Variants in BNIP3 observed in about 807,000 individuals in gnomAD.
BNIP3 encodes BCL2/adenovirus E1B 19 kDa protein-interacting protein 3.
A neutral mutation model predicts 23.9 loss-of-function variants in BNIP3; 16 were observed. The observed-to-expected ratio is 0.67, with a 90% CI of 0.45 to 1.01. The LOEUF (loss-of-function observed/expected upper bound fraction) is 1.01. BNIP3 is among the 50% of genes least tolerant of loss of function. The pLI is 0.00. For missense variants in BNIP3, 198 were observed against 248.7 expected (o/e 0.80, Z 1.37); for synonymous variants, 81 against 89.3 (o/e 0.91, Z 0.53).
In BNIP3 at chr10:131,973,797, C is replaced by T; in HGVS notation, c.193G>A (p.Asp65Asn). 6.2e-7 allele frequency: 1 copy of T among 1,612,298 alleles called. No homozygotes were observed. The highest frequency in any genetic ancestry group is 8.5e-7 in the Non-Finnish European group (1 of 1,180,000). The change falls in exon 2 of 6, where the codon GAC becomes AAC. Residue 65 changes from aspartate (D) to asparagine (N), a missense_variant. Transcript: ENST00000368636. ...GRSSSKSSHC[D>N]SPPRSQTPQD... ...CACTTGTTGATGCGCGCCTACCTGTCACAGTGAGAGCTCTTGGAGCTACTC... is the reference window on the plus strand; with the variant it reads ...CACTTGTTGATGCGCGCCTACCTGTTACAGTGAGAGCTCTTGGAGCTACTC...
chr10:131,974,202 T>G (rs547059345), intron 1 of BNIP3, among the ~76,000 whole-genome samples: 2 of 152,368 alleles, frequency 1.3e-5, no homozygotes, highest in African/African-American at 4.8e-5. Context: ...GCAGTCCCTT[T>G]ATACCAAGCC....
At position 131,970,958 on chromosome 10, in the gene BNIP3, C is replaced by T. The variant is rs761226207; in HGVS notation, c.295G>A (p.Asp99Asn). The T allele has an allele frequency of 6.2e-7, 1 of 1,613,880 alleles. No individual in the cohort carries two copies. Among genetic ancestry groups the T allele is most frequent in the Non-Finnish European group, 8.5e-7 (1 of 1,179,950 alleles). Residue 99 changes from aspartate (D) to asparagine (N), a missense_variant, in exon 4 of 6, where the codon GAT becomes AAT. Coordinates refer to ENST00000368636, the MANE Select transcript of BNIP3 (RefSeq NM_004052.4). The surrounding 1 kb of genome is among the most constrained non-coding windows in gnomAD (Gnocchi z 4.1). ...TCAACTTCTTTCCTTCTTTCAATAT[C>T]ATCTTCCTCAGACTAAGATAAAGTC... ...EKNSSQSEED[D>N]IERRKEVESI...
rs1447294182 is a variant in BNIP3 at position 131,977,786 on chromosome 10, GAAAA to G, written c.47-3847_47-3844del. Among the ~76,000 whole-genome samples the G allele has an allele frequency of 4.0e-5, 6 of 151,854 alleles. 1 individual carries two copies. The East Asian group carries it at 1.2e-3, about 29-fold the overall frequency. On this transcript the variant is annotated intron_variant, in intron 1 of 5. Transcript: ENST00000368636. ...AGGACCTAAAAATCCAGGAAACAAG[GAAAA>G]AAAACTCACTCCAGATTGTCCATGG...
chr10:131,975,335 C>T (rs2037071694), intron 1 of BNIP3, among the ~76,000 whole-genome samples: 1 of 152,176 alleles, frequency 6.6e-6, no homozygotes, highest in Non-Finnish European at 1.5e-5. Flanking sequence ...TTATTTAAAG[C>T]AAATCTGGTA....
chr10:131,972,805 T>G (rs759589821), intron 3 of BNIP3, among the ~76,000 whole-genome samples: 7 of 152,214 alleles, frequency 4.6e-5, no homozygotes, highest in Admixed American at 1.3e-4. Context: ...CCCCGCTGCC[T>G]GTCCCACTCG....
intron 1 of BNIP3, among the ~76,000 whole-genome samples, chr10:131,975,478 A>G (rs2037072777): frequency 6.6e-6 from 1 of 152,222 alleles, no homozygotes; most frequent in Non-Finnish European, 1.5e-5. Context: ...TTTAGTAAGC[A>G]GAATAATCAC....
intron 2 of BNIP3, chr10:131,973,345 G>A: frequency 3.8e-6 from 2 of 528,052 alleles, no homozygotes; most frequent in Non-Finnish European, 6.8e-6. Context: ...AAGACGCAGG[G>A]GCAACTGGCA....
intron 1 of BNIP3, among the ~76,000 whole-genome samples, chr10:131,977,337 G>T (rs578079846): frequency 1.3e-5 from 2 of 152,322 alleles, no homozygotes; most frequent in East Asian, 3.9e-4. Flanking sequence ...CAGGAAGTAG[G>T]TAGGGTCAAG....
rs6557 is a variant in BNIP3 at position 131,967,945 on chromosome 10, C to T, written c.*579G>A. 44,041 of 152,062 alleles carry T rather than the reference C, an allele frequency of 0.29. 6,538 individuals carry two copies. Among genetic ancestry groups the T allele is most frequent in the East Asian group, 0.45 (2,308 of 5,166 alleles). The allele number at this position is 152,062 out of a possible 1,614,324, so 9.4% of individuals were successfully genotyped here. On this transcript the variant is annotated 3_prime_UTR_variant, in exon 6 of 6. Coordinates refer to ENST00000368636, the MANE Select transcript of BNIP3 (RefSeq NM_004052.4). Reference sequence around the variant, plus strand: ...GCAAAAGCAAGAAGAGTTTAGTGTACGAACTGTACAGCTGAGTTTGTAGCT... The same window carrying T: ...GCAAAAGCAAGAAGAGTTTAGTGTATGAACTGTACAGCTGAGTTTGTAGCT...
At chr10:131,972,899 T>C (rs889261367) in intron 3 of BNIP3, 135 bp downstream of exon 3, 11 of 823,320 alleles carry the variant, frequency 1.3e-5, no homozygotes, top group Non-Finnish European at 2.0e-5. Flanking sequence ...TTGTTTCGCT[T>C]TTTTGTTTTT....
intron 3 of BNIP3, 85 bp downstream of exon 3, chr10:131,972,949 G>C (rs2037048338): frequency 7.4e-7 from 1 of 1,348,728 alleles, no homozygotes; most frequent in Non-Finnish European, 1.0e-6. Flanking sequence ...ACTTTTCTCT[G>C]AGGTGCTCAA....
intron 1 of BNIP3, among the ~76,000 whole-genome samples, chr10:131,979,696 C>G (rs3793741): frequency 2.2e-3 from 342 of 152,160 alleles, no homozygotes; most frequent in African/African-American, 7.5e-3. Flanking sequence ...AGGACAAATA[C>G]GAGCATCCTG....
Position 131,971,221 on chromosome 10 carries a change from G to A in BNIP3, c.283-251C>T, listed in dbSNP as rs369277377. 30 of 509,000 alleles carry A rather than the reference G, an allele frequency of 5.9e-5. No individual in the cohort carries two copies. The Admixed American group carries it at 6.4e-4, about 11-fold the overall frequency. 31.5% of individuals were successfully genotyped at this position (509,000 alleles called of 1,614,324 possible). On this transcript the variant is annotated intron_variant, in intron 3 of 5. Transcript: ENST00000368636. ...CCTCTGGGGGAGCCCCACTCAGGGC[G>A]TAAATACATTTGGTTCACTGTGAGA...
At chr10:131,974,077 C>T in intron 1 of BNIP3, 134 bp from the exon 2 acceptor site, 2 of 1,178,740 alleles carry the variant, frequency 1.7e-6, no homozygotes, top group Non-Finnish European at 2.4e-6. Flanking sequence ...TCCCTCAACC[C>T]CGACTTGAAG....
chr10:131,978,518 T>C (rs1346182919), intron 1 of BNIP3, among the ~76,000 whole-genome samples: 1 of 152,122 alleles, frequency 6.6e-6, no homozygotes, highest in Non-Finnish European at 1.5e-5. Context: ...CTGGGTCCCA[T>C]TCCTCAACAT....
intron 1 of BNIP3, chr10:131,980,125 G>C (rs995412971): frequency 3.9e-5 from 6 of 152,220 alleles, no homozygotes; most frequent in Non-Finnish European, 4.4e-5. Flanking sequence ...CAAAAATCTC[G>C]TAACTCCGGC....
chr10:131,972,722 A>C (rs2037045698), intron 3 of BNIP3, among the ~76,000 whole-genome samples: 2 of 152,224 alleles, frequency 1.3e-5, no homozygotes, highest in South Asian at 4.1e-4. Context: ...CCTCCTCTCT[A>C]GGCTGCAGCC....
At chr10:131,973,991 T>C (rs1353481977) in intron 1 of BNIP3, 48 bp from the exon 2 acceptor site, 1 of 1,608,432 alleles carries the variant, frequency 6.2e-7, no homozygotes, top group Non-Finnish European at 8.5e-7. Flanking sequence ...CTACCCACTC[T>C]GGAATCTGCT....
Position 131,973,863 on chromosome 10 carries a change from T to G in BNIP3, c.127A>C (p.Met43Leu), listed in dbSNP as rs767742686. 1.2e-6 allele frequency: 2 copies of G among 1,613,026 alleles called. No individual in the cohort carries two copies. Among genetic ancestry groups the G allele is most frequent in the Non-Finnish European group, 1.7e-6 (2 of 1,180,044 alleles). Residue 43 changes from methionine (M) to leucine (L), a missense_variant, in exon 2 of 6, where the codon ATG (methionine) becomes CTG (leucine). Coordinates refer to ENST00000368636, the MANE Select transcript of BNIP3 (RefSeq NM_004052.4). ...PASVSIYNGD[M>L]EKILLDAQHE... Reference sequence around the variant, plus strand: ...TGTGCGTCCAGCAGTATTTTTTCCATGTCTCCATTATAAATAGAAACCGAG... The same window carrying G: ...TGTGCGTCCAGCAGTATTTTTTCCAGGTCTCCATTATAAATAGAAACCGAG...
Sources: allele counts gnomAD v4.1 joint callset (sites outside exome capture counted in the v4.1 genomes callset), GRCh38; gene constraint gnomAD v4.1.1; non-coding constraint Gnocchi (gnomAD v3.1); transcripts MANE v1.5; gene names NCBI Gene and HGNC (gene_info 2026-07-23, HGNC 2026-07-21).